Variants in OSBP2 observed in about 807,000 individuals in gnomAD.
OSBP2 encodes the protein oxysterol binding protein 2.
In OSBP2, 66 loss-of-function variants were observed where a neutral mutation model predicts 96.0. The ratio of observed to expected loss-of-function variants is 0.69; its 90% CI spans 0.56 to 0.84. OSBP2 has a LOEUF of 0.84. Ranked by LOEUF, OSBP2 falls within the 40% of genes least tolerant of loss-of-function variation. OSBP2 has a pLI of 0.00. For synonymous variants in OSBP2, 525 were observed against 520.9 expected, an observed-to-expected ratio of 1.01 and a Z score of -0.11; for missense variants, 1,038 against 1,222.7, an observed-to-expected ratio of 0.85 and a Z score of 2.25.
chr22:30,861,351 C>T (rs931360452), intron 2 of OSBP2, among the ~76,000 whole-genome samples: 2 of 152,164 alleles, frequency 1.3e-5, no homozygotes, highest in African/African-American at 4.8e-5. Flanking sequence ...AGGGCGGAAG[C>T]CCTGCACCCC....
chr22:30,706,791 C>A (rs1466445664), intron 1 of OSBP2, among the ~76,000 whole-genome samples: 1 of 152,168 alleles, frequency 6.6e-6, no homozygotes. Context: ...TCCTGCCATC[C>A]CCTCAGCCAG....
chr22:30,739,185 C>T (rs926859838), intron 1 of OSBP2, among the ~76,000 whole-genome samples: 3 of 152,208 alleles, frequency 2.0e-5, no homozygotes, highest in African/African-American at 7.2e-5. Context: ...ACACTTTAGT[C>T]ACCTACCCTC....
intron 2 of OSBP2, among the ~76,000 whole-genome samples, chr22:30,808,315 A>G (rs919369320): frequency 2.0e-5 from 3 of 152,050 alleles, no homozygotes; most frequent in Non-Finnish European, 4.4e-5. Context: ...AGCCCAGGCA[A>G]CATAGCAAGA....
At chr22:30,797,361 C>G (rs539722014) in intron 2 of OSBP2, among the ~76,000 whole-genome samples, 4 of 152,126 alleles carry the variant, frequency 2.6e-5, no homozygotes, top group Non-Finnish European at 4.4e-5. Context: ...TGGCTCACTG[C>G]AAACTCCGCC....
chr22:30,817,541 G>A (rs2091096558), intron 2 of OSBP2, among the ~76,000 whole-genome samples: 1 of 152,230 alleles, frequency 6.6e-6, no homozygotes, highest in South Asian at 2.1e-4. Context: ...GGGAAAGGGG[G>A]TTGTGAGGAG....
chr22:30,755,388 C>T (rs1377821693), intron 2 of OSBP2, among the ~76,000 whole-genome samples: 1 of 152,174 alleles, frequency 6.6e-6, no homozygotes, highest in Non-Finnish European at 1.5e-5. Context: ...AGCAGCCTTT[C>T]AAGAGAGTCC....
intron 1 of OSBP2, among the ~76,000 whole-genome samples, chr22:30,719,951 C>T (rs2089522457): frequency 6.6e-6 from 1 of 152,144 alleles, no homozygotes; most frequent in Admixed American, 6.5e-5. Context: ...CATAGCATCT[C>T]AACCCCCTTA....
chr22:30,764,313 T>G, intron 2 of OSBP2: 1 of 985,232 alleles, frequency 1.0e-6, no homozygotes, highest in Non-Finnish European at 1.2e-6. Flanking sequence ...GTTGGGTGGC[T>G]GGTGGCCCTA....
chr22:30,869,710 A>G (rs1017753129), intron 2 of OSBP2, among the ~76,000 whole-genome samples: 4 of 151,706 alleles, frequency 2.6e-5, no homozygotes, highest in African/African-American at 7.3e-5. Context: ...TAATTTTTCT[A>G]TTTTTTGTAG....
chr22:30,739,694 G>A (rs186980537), intron 1 of OSBP2, among the ~76,000 whole-genome samples: 132 of 152,138 alleles, frequency 8.7e-4, no homozygotes, highest in Non-Finnish European at 3.5e-4. Flanking sequence ...CTGCCTAGAC[G>A]GAGGCGATTC....
intron 2 of OSBP2, among the ~76,000 whole-genome samples, chr22:30,827,321 C>T (rs539413310): frequency 6.6e-6 from 1 of 152,246 alleles, no homozygotes; most frequent in South Asian, 2.1e-4. Context: ...TGTCTTCCCA[C>T]ACCGAGTTGT....
intron 2 of OSBP2, among the ~76,000 whole-genome samples, chr22:30,819,491 G>A (rs1166121212): frequency 2.0e-5 from 3 of 152,162 alleles, no homozygotes; most frequent in Admixed American, 6.5e-5. Context: ...CAGTCTCTTC[G>A]GCTTCCTTGA....
intron 2 of OSBP2, among the ~76,000 whole-genome samples, chr22:30,823,811 T>C (rs1180123908): frequency 6.6e-6 from 1 of 152,200 alleles, no homozygotes; most frequent in Non-Finnish European, 1.5e-5. Context: ...TCGTCCAAAG[T>C]GTGTGTTCTG....
intron 2 of OSBP2, among the ~76,000 whole-genome samples, chr22:30,779,694 GC>G (rs2090489155): frequency 1.3e-5 from 2 of 152,230 alleles, no homozygotes; most frequent in South Asian, 4.1e-4. Flanking sequence ...CTGAGAAAGC[GC>G]CAGAGAGAAA....
At chr22:30,813,150 G>A (rs2091032510) in intron 2 of OSBP2, among the ~76,000 whole-genome samples, 1 of 149,484 alleles carries the variant, frequency 6.7e-6, no homozygotes, top group Admixed American at 6.7e-5. Context: ...AATGGAGCCT[G>A]GAGGCTTACG....
At chr22:30,709,876 G>T (rs1331838119) in intron 1 of OSBP2, among the ~76,000 whole-genome samples, 1 of 150,274 alleles carries the variant, frequency 6.7e-6, no homozygotes, top group Non-Finnish European at 1.5e-5. Flanking sequence ...TCATTTATTG[G>T]CAGGGATACT....
At chr22:30,794,843 T>G (rs1419593088) in intron 2 of OSBP2, among the ~76,000 whole-genome samples, 1 of 152,058 alleles carries the variant, frequency 6.6e-6, no homozygotes, top group Non-Finnish European at 1.5e-5. Context: ...ATTTTATGTT[T>G]TATTCATACA....
chr22:30,703,841 C>T lies in OSBP2; in HGVS notation c.644+8288C>T, dbSNP rs371905282. On this transcript the variant is annotated intron_variant, in intron 1 of 13. Transcript: ENST00000332585. ...TGGCTTGCCTTGCACTGTTGGAAGC[C>T]AGCTATTGATCAAAGAAGGGGCCTC... 2.0e-5 allele frequency among the ~76,000 whole-genome samples: 3 copies of T among 152,238 alleles called. No homozygotes were observed. The East Asian group carries it at 5.8e-4, about 29-fold the overall frequency.
At chr22:30,744,070 T>C (rs2089971419) in intron 2 of OSBP2, among the ~76,000 whole-genome samples, 1 of 152,178 alleles carries the variant, frequency 6.6e-6, no homozygotes, top group Non-Finnish European at 1.5e-5. Context: ...CTGTTGGCTT[T>C]TTGAAGCATG....
Sources: gnomAD v4.1 joint callset for allele counts (sites outside exome capture counted in the v4.1 genomes callset) on GRCh38, gnomAD v4.1.1 for gene constraint, MANE v1.5 for transcripts, NCBI Gene and HGNC (gene_info 2026-07-23, HGNC 2026-07-21) for gene names.